Variants in RASA1 observed in about 807,000 individuals in gnomAD.
The protein encoded by RASA1 is ras GTPase-activating protein 1.
Under a neutral mutation model 132.2 loss-of-function variants are expected in RASA1, and 25 were observed. That is an observed-to-expected ratio of 0.19 (90% CI 0.14 to 0.26). The LOEUF is 0.26. Ranked by LOEUF, RASA1 falls within the 10% of genes least tolerant of loss-of-function variation. The probability of loss-of-function intolerance (pLI) is 1.00; values close to 1 mark genes in which losing one functional copy is unlikely to be tolerated. For missense variants in RASA1, 964 were observed against 1,299.2 expected (o/e 0.74, Z 3.97); for synonymous variants, 477 against 449.9 (o/e 1.06, Z -0.76).
In RASA1 at chr5:87,338,531, A is replaced by T. The variant is rs1408829850; in HGVS notation, c.1017+440A>T. Among the ~76,000 whole-genome samples the T allele has an allele frequency of 4.9e-3, 397 of 81,016 alleles. 25 individuals are homozygous for T. The highest frequency in any genetic ancestry group is 0.017 in the African/African-American group (327 of 19,164). 53.1% of individuals were successfully genotyped at this position (81,016 alleles called of 152,430 possible). A position where few individuals can be genotyped will look rare whatever the true frequency, so the allele number is the denominator to read the frequency against. Reference sequence around the variant, plus strand: ...TATATATATATATATATATATATATATAAAATTTTTTTTTTTTTTAAGTAG... The same window carrying T: ...TATATATATATATATATATATATATTTAAAATTTTTTTTTTTTTTAAGTAG... On this transcript the variant is annotated intron_variant, in intron 5 of 24. Coordinates refer to ENST00000274376, the MANE Select transcript of RASA1 (RefSeq NM_002890.3).
chr5:87,371,055 T>TAG, intron 12 of RASA1, among the ~76,000 whole-genome samples: 1 of 152,070 alleles, frequency 6.6e-6, no homozygotes, highest in Admixed American at 6.6e-5. Flanking sequence ...TGTTAGAAAT[T>TAG]GAGTTAGAAA....
chr5:87,331,590 T>G, intron 2 of RASA1, 90 bp downstream of exon 2: 1 of 1,394,860 alleles, frequency 7.2e-7, no homozygotes, highest in Non-Finnish European at 1.0e-6. Flanking sequence ...GGTGAATGAC[T>G]CAGTAACAAA....
At chr5:87,324,531 C>T (rs1174930994) in intron 1 of RASA1, among the ~76,000 whole-genome samples, 3 of 152,064 alleles carry the variant, frequency 2.0e-5, no homozygotes, top group African/African-American at 7.2e-5. Context: ...TAGAAATGCT[C>T]TCTCGAAACT....
chr5:87,357,649 G>A, intron 9 of RASA1, among the ~76,000 whole-genome samples: 1 of 151,986 alleles, frequency 6.6e-6, no homozygotes, highest in East Asian at 1.9e-4. Flanking sequence ...AGGTTGCAGT[G>A]AGCCGAGATT....
chr5:87,383,859 C>CTTTTT, intron 21 of RASA1, 79 bp downstream of exon 21: 1 of 897,566 alleles, frequency 1.1e-6, no homozygotes, highest in South Asian at 1.7e-5. Flanking sequence ...ACTCTTAAAT[C>CTTTTT]TTTTTTTTTT....
chr5:87,366,490 A>G (rs1561314035), intron 11 of RASA1: 1 of 235,722 alleles, frequency 4.2e-6, no homozygotes, highest in Admixed American at 4.4e-5. Context: ...AATGATTCCT[A>G]TTCTGGTTAG....
At chr5:87,371,795 G>T (rs1760962190) in intron 12 of RASA1, among the ~76,000 whole-genome samples, 1 of 152,010 alleles carries the variant, frequency 6.6e-6, no homozygotes, top group Admixed American at 6.6e-5. Flanking sequence ...TTTCCCCAAG[G>T]TAGTATCTGT....
rs1759087266 is a variant in RASA1, at chr5:87,349,269, T to C, written c.1158T>C (p.Tyr386=). The C allele has an allele frequency of 1.9e-6, 3 of 1,612,268 alleles. No homozygotes were observed. Among genetic ancestry groups the C allele is most frequent in the East Asian group, 4.5e-5 (2 of 44,764 alleles). ...CCTCAGATAATACTCCTGGCGATTA[T>C]TCACTTTATTTCCGGACCAATGAAA... ...VRPSDNTPGD[Y]SLYFRTNENI... The change falls in exon 8 of 25, where the codon TAT becomes TAC. Residue 386 remains tyrosine, a synonymous_variant. Transcript: ENST00000274376.
In RASA1 at chr5:87,303,091, G is replaced by A. The variant is rs191560456; in HGVS notation, c.540-28257G>A. 3.7e-3 allele frequency among the ~76,000 whole-genome samples: 564 copies of A among 152,160 alleles called. 3 individuals carry two copies. The highest frequency in any genetic ancestry group is 5.1e-3 in the Non-Finnish European group (345 of 67,988). ...GCTCATATTTTTCATACATGTGTGA[G>A]TTTGTTACATCTCACTTCTGTCCCA... On this transcript the variant is annotated intron_variant, in intron 1 of 24. Coordinates refer to ENST00000274376, the MANE Select transcript of RASA1 (RefSeq NM_002890.3).
At chr5:87,307,638 C>T (rs1561269324) in intron 1 of RASA1, among the ~76,000 whole-genome samples, 1 of 152,184 alleles carries the variant, frequency 6.6e-6, no homozygotes, top group Non-Finnish European at 1.5e-5. Flanking sequence ...TTATAGCCTT[C>T]TGTCTGTAAT....
intron 6 of RASA1, among the ~76,000 whole-genome samples, chr5:87,341,573 A>C (rs943050168): frequency 8.5e-5 from 13 of 152,152 alleles, no homozygotes; most frequent in Non-Finnish European, 1.6e-4. Flanking sequence ...TAAACACTAC[A>C]TTTATAACAT....
intron 24 of RASA1, 95 bp downstream of exon 24, chr5:87,389,622 G>C (rs1339602086): frequency 6.6e-7 from 1 of 1,507,218 alleles, no homozygotes; most frequent in African/African-American, 1.4e-5. Flanking sequence ...TTTTTATCTT[G>C]TTACATTAAA....
chr5:87,383,861 T>G (rs966563330), intron 21 of RASA1, 81 bp downstream of exon 21: 28 of 781,356 alleles, frequency 3.6e-5, no homozygotes, highest in Admixed American at 6.4e-5. Context: ...TCTTAAATCT[T>G]TTTTTTTTTT....
intron 1 of RASA1, among the ~76,000 whole-genome samples, chr5:87,281,363 C>T (rs1193384775): frequency 1.3e-5 from 2 of 151,880 alleles, no homozygotes; most frequent in South Asian, 4.2e-4. Context: ...CAATCTCCGC[C>T]TCCTGAGTTC....
intron 9 of RASA1, among the ~76,000 whole-genome samples, chr5:87,361,137 G>A (rs939814567): frequency 3.9e-5 from 6 of 152,138 alleles, no homozygotes; most frequent in African/African-American, 1.2e-4. Context: ...AGTTCATTTA[G>A]TGTGTCCACT....
At chr5:87,364,498 C>T (rs750536570) in intron 11 of RASA1, among the ~76,000 whole-genome samples, 4 of 152,040 alleles carry the variant, frequency 2.6e-5, no homozygotes, top group African/African-American at 7.2e-5. Flanking sequence ...ATTCATTTTA[C>T]GAAGATACCC....
At position 87,341,271 on chromosome 5, in the gene RASA1, C is replaced by A; in HGVS notation, c.1018-19C>A. 7.7e-7 allele frequency: 1 copy of A among 1,302,436 alleles called. No homozygotes were observed. Among genetic ancestry groups the A allele is most frequent in the Non-Finnish European group, 9.9e-7 (1 of 1,008,746 alleles). The allele number at this position is 1,302,436 out of a possible 1,614,324, so 80.7% of individuals were successfully genotyped here. On this transcript the variant is annotated intron_variant, in intron 5 of 24. Transcript: ENST00000274376. ...AATAGTTAATTATATAAAATACTGT[C>A]TTAATGTCTTCCCTTTAGGGCCGGG...
At position 87,353,064 on chromosome 5, in the gene RASA1, TTAGA is replaced by T. The variant is rs1451434781; in HGVS notation, c.1254-90_1254-87del. 12 of 959,222 alleles carry T rather than the reference TTAGA, an allele frequency of 1.3e-5. No individual in the cohort carries two copies. In the South Asian group the frequency reaches 1.3e-4, roughly 10 times the overall value. The allele number at this position is 959,222 out of a possible 1,614,324, so 59.4% of individuals were successfully genotyped here. On this transcript the variant is annotated intron_variant, in intron 8 of 24. Transcript: ENST00000274376. ...ATGTGCTTTGAAAAAAATTTGCTAATTAGATAATCCTTGGCAAGAAAGTTTACAC... is the reference window on the plus strand; with the variant it reads ...ATGTGCTTTGAAAAAAATTTGCTAATTAATCCTTGGCAAGAAAGTTTACAC...
intron 24 of RASA1, 24 bp from the exon 25 acceptor site, chr5:87,390,776 T>G: frequency 6.3e-7 from 1 of 1,586,518 alleles, no homozygotes; most frequent in Non-Finnish European, 8.7e-7. Context: ...TCATTTATTT[T>G]CATACCATTT....
Sources: gnomAD v4.1 joint callset for allele counts (sites outside exome capture counted in the v4.1 genomes callset) on GRCh38, gnomAD v4.1.1 for gene constraint, MANE v1.5 for transcripts, NCBI Gene and HGNC (gene_info 2026-07-23, HGNC 2026-07-21) for gene names.